The following TLL1 variants were observed in gnomAD, a reference collection of about 807,000 sequenced individuals.
TLL1 encodes the protein tolloid like 1, also known as tolloid-like protein 1.
A neutral mutation model predicts 128.2 loss-of-function variants in TLL1; 49 were observed. The observed-to-expected ratio is 0.38, with a 90% CI of 0.30 to 0.48. The LOEUF (loss-of-function observed/expected upper bound fraction) is 0.48, where lower values mean the gene tolerates loss of function less well. TLL1 is among the 20% of genes least tolerant of loss of function. TLL1 has a pLI of 0.96. For synonymous variants in TLL1, 454 were observed against 418.8 expected (o/e 1.08, Z -1.03); for missense variants, 1,123 against 1,242.0 (o/e 0.90, Z 1.44).
chr4:166,086,295 C>T (rs1741511306), intron 18 of TLL1, among the ~76,000 whole-genome samples: 1 of 151,940 alleles, frequency 6.6e-6, no homozygotes, highest in African/African-American at 2.4e-5. Flanking sequence ...CAGTTATTAC[C>T]TTTTATGGAC....
intron 12 of TLL1, among the ~76,000 whole-genome samples, chr4:166,052,390 G>A (rs894718859): frequency 6.6e-6 from 1 of 152,078 alleles, no homozygotes; most frequent in Non-Finnish European, 1.5e-5. Context: ...CCACCTCCTG[G>A]GTTCAAGCAA....
Position 166,003,439 on chromosome 4 carries a change from T to C in TLL1, c.681T>C (p.Ser227=). ...GRRGNGPQAI[S]IGKNCDKFGI... is the part of the protein sequence containing the mutation. ...GAGGAAATGGACCTCAGGCAATCTC[T>C]ATCGGCAAGAACTGTGATAAATTTG... The change falls in exon 6 of 21, where the codon TCT becomes TCC. Residue 227 remains serine, a synonymous_variant. Coordinates refer to ENST00000061240, the MANE Select transcript of TLL1 (RefSeq NM_012464.5). 6.2e-7 allele frequency: 1 copy of C among 1,613,986 alleles called. No homozygotes were observed. The highest frequency in any genetic ancestry group is 8.5e-7 in the Non-Finnish European group (1 of 1,179,902).
intron 1 of TLL1, among the ~76,000 whole-genome samples, chr4:165,891,790 A>C (rs1454683357): frequency 6.6e-6 from 1 of 152,158 alleles, no homozygotes; most frequent in Non-Finnish European, 1.5e-5. Context: ...AGAGTTTCTA[A>C]ATTTTCCCAC....
intron 9 of TLL1, among the ~76,000 whole-genome samples, chr4:166,036,492 G>A (rs2111085685): frequency 6.6e-6 from 1 of 152,244 alleles, no homozygotes; most frequent in East Asian, 1.9e-4. Flanking sequence ...GATGCAATAT[G>A]TTCACGTAAA....
At chr4:165,917,060 C>T (rs577518734) in intron 1 of TLL1, among the ~76,000 whole-genome samples, 29 of 152,064 alleles carry the variant, frequency 1.9e-4, no homozygotes, top group Admixed American at 7.9e-4. Context: ...GTAGTATTTA[C>T]GGCTTAAATT....
At chr4:166,069,569 T>C (rs1050298021) in intron 16 of TLL1, among the ~76,000 whole-genome samples, 7 of 151,758 alleles carry the variant, frequency 4.6e-5, no homozygotes, top group African/African-American at 1.7e-4. Flanking sequence ...TGAAATAATA[T>C]ATTTATAGTA....
intron 1 of TLL1, 82 bp from the exon 2 acceptor site, chr4:165,989,299 T>C (rs1736526807): frequency 1.9e-6 from 2 of 1,059,094 alleles, no homozygotes; most frequent in African/African-American, 1.6e-5. Flanking sequence ...TCCATATTTT[T>C]AACAATGCTT....
chr4:165,952,993 G>C (rs925618995), intron 1 of TLL1, among the ~76,000 whole-genome samples: 2 of 151,996 alleles, frequency 1.3e-5, no homozygotes, highest in African/African-American at 4.8e-5. Context: ...TCTAACCCTG[G>C]TGGATTCAAA....
chr4:166,050,505 T>A (rs1408520022), intron 12 of TLL1, among the ~76,000 whole-genome samples: 1 of 152,214 alleles, frequency 6.6e-6, no homozygotes, highest in African/African-American at 2.4e-5. Flanking sequence ...TTTTATTTTT[T>A]AGGGAGCATG....
At chr4:165,880,896 G>A (rs1441758404) in intron 1 of TLL1, among the ~76,000 whole-genome samples, 2 of 152,290 alleles carry the variant, frequency 1.3e-5, no homozygotes, top group East Asian at 3.9e-4. Context: ...TGCTGTAAGT[G>A]TCTTCTGAGC....
At chr4:166,059,500 G>A (rs138976619) in intron 14 of TLL1, among the ~76,000 whole-genome samples, 1 of 151,948 alleles carries the variant, frequency 6.6e-6, no homozygotes, top group African/African-American at 2.4e-5. Context: ...AATTTATCTT[G>A]TCTGGTAGCT....
chr4:165,902,835 C>T (rs1010982162), intron 1 of TLL1, among the ~76,000 whole-genome samples: 1 of 152,156 alleles, frequency 6.6e-6, no homozygotes, highest in Non-Finnish European at 1.5e-5. Context: ...CCATATAAAT[C>T]ATTAATTCAA....
intron 18 of TLL1, 58 bp from the exon 19 acceptor site, chr4:166,091,070 A>G: frequency 6.9e-7 from 1 of 1,457,246 alleles, no homozygotes. Flanking sequence ...CCCAAAAATT[A>G]TCTCATTTTG....
chr4:165,893,671 A>G (rs1171837754), intron 1 of TLL1, among the ~76,000 whole-genome samples: 1 of 152,192 alleles, frequency 6.6e-6, no homozygotes, highest in African/African-American at 2.4e-5. Context: ...GAAAAAAGAA[A>G]AAAAATTCCT....
chr4:165,891,291 C>T (rs2110831660), intron 1 of TLL1, among the ~76,000 whole-genome samples: 1 of 148,474 alleles, frequency 6.7e-6, no homozygotes, highest in East Asian at 2.1e-4. Context: ...CTCCTTGTTA[C>T]TTATGCAAAT....
intron 1 of TLL1, among the ~76,000 whole-genome samples, chr4:165,983,700 A>C (rs1579581339): frequency 6.6e-6 from 1 of 151,964 alleles, no homozygotes; most frequent in East Asian, 1.9e-4. Flanking sequence ...TGCCCTTTGA[A>C]GGAACTTCTA....
Position 166,043,414 on chromosome 4 carries a change from T to C in TLL1, c.1519T>C (p.Phe507Leu), listed in dbSNP as rs1739325527. ...CCACGTCGGGCTGACCTTTCAGTCC[T>C]TTGAGGTAAAGTCTTTTAGGCTATC... is the stretch of plus-strand genomic sequence containing the variant. ...SYHVGLTFQSFEIERHDNCAY... is the reference protein window; with the variant it reads ...SYHVGLTFQSLEIERHDNCAY... The change falls in exon 12 of 21, where the codon TTT becomes CTT. Residue 507 changes from phenylalanine to leucine, a missense_variant. By Grantham distance (22) the Phe-to-Leu change is conservative (BLOSUM62 0). Around this residue, in one of 3 missense-constraint regions of TLL1, gnomAD observed 634 missense variants for 672.4 expected, o/e 0.94. Transcript: ENST00000061240. 1.9e-6 allele frequency: 3 copies of C among 1,613,966 alleles called. No individual in the cohort carries two copies. The highest frequency in any genetic ancestry group is 2.5e-6 in the Non-Finnish European group (3 of 1,179,966).
chr4:165,929,537 CAAA>C (rs71604413), intron 1 of TLL1, among the ~76,000 whole-genome samples: 3 of 134,116 alleles, frequency 2.2e-5, no homozygotes, highest in Admixed American at 1.5e-4. Context: ...GACTCCATCT[CAAA>C]AAAAAAAAAA....
intron 16 of TLL1, among the ~76,000 whole-genome samples, chr4:166,068,755 C>T (rs1050498953): frequency 6.6e-6 from 1 of 151,784 alleles, no homozygotes; most frequent in African/African-American, 2.4e-5. Flanking sequence ...CTAATAATTA[C>T]GACAACAGGA....
Sources: allele counts gnomAD v4.1 joint callset (sites outside exome capture counted in the v4.1 genomes callset), GRCh38; gene constraint gnomAD v4.1.1; regional missense constraint gnomAD v4.1.1; transcripts MANE v1.5; gene names NCBI Gene and HGNC (gene_info 2026-07-23, HGNC 2026-07-21).